Variants in RNF152 observed in about 807,000 individuals in gnomAD.
The protein encoded by RNF152 is ring finger protein 152.
A neutral mutation model predicts 12.7 loss-of-function variants in RNF152; 11 were observed. The observed-to-expected ratio is 0.86, with a 90% CI of 0.54 to 1.43. The LOEUF (loss-of-function observed/expected upper bound fraction) is 1.43. Ranked by LOEUF, RNF152 falls within the 40% of genes most tolerant of loss-of-function variation. RNF152 has a pLI of 0.00. For synonymous variants in RNF152, 113 were observed against 120.3 expected (o/e 0.94, Z 0.40); for missense variants, 255 against 274.8 (o/e 0.93, Z 0.51).
chr18:61,893,925 C>A (rs1317382570), upstream of RNF152, among the ~76,000 whole-genome samples: 28 of 151,982 alleles, frequency 1.8e-4, no homozygotes, highest in Admixed American at 1.8e-3. Context: ...GACCACCTCC[C>A]CCGTGCCCCG....
At chr18:61,872,734 G>T (rs1268815743) in intron 1 of RNF152, among the ~76,000 whole-genome samples, 2 of 151,796 alleles carry the variant, frequency 1.3e-5, no homozygotes, top group Non-Finnish European at 2.9e-5. Flanking sequence ...CATGATTTTC[G>T]CAGCTATTTG....
At chr18:61,844,084 A>AAGAAAGAG (rs1910595612) in intron 1 of RNF152, among the ~76,000 whole-genome samples, 2 of 68,870 alleles carry the variant, frequency 2.9e-5, no homozygotes, top group African/African-American at 9.6e-5. Context: ...AAAGGAAAGA[A>AAGAAAGAG]AGAAAGAAAG....
intron 1 of RNF152, among the ~76,000 whole-genome samples, chr18:61,862,664 A>AT (rs2144719492): frequency 6.6e-6 from 1 of 151,952 alleles, no homozygotes; most frequent in South Asian, 2.1e-4. Context: ...CCCACCCCTC[A>AT]CCCCACGTGT....
At chr18:61,882,482 G>C (rs1375233450) in intron 1 of RNF152, among the ~76,000 whole-genome samples, 1 of 152,228 alleles carries the variant, frequency 6.6e-6, no homozygotes, top group Non-Finnish European at 1.5e-5. Flanking sequence ...TCTGGCAATT[G>C]CCTTCAGGTG....
intron 1 of RNF152, among the ~76,000 whole-genome samples, chr18:61,870,323 C>G (rs971146725): frequency 2.0e-5 from 3 of 152,168 alleles, no homozygotes; most frequent in Non-Finnish European, 4.4e-5. Flanking sequence ...GGATTGATTA[C>G]TGTAAACACA....
chr18:61,844,120 A>AAG (rs372035513), intron 1 of RNF152, among the ~76,000 whole-genome samples: 3 of 138,206 alleles, frequency 2.2e-5, no homozygotes, highest in Non-Finnish European at 4.9e-5. Flanking sequence ...GAAAGAAAGA[A>AAG]AGAAAGAAAG....
At position 61,813,445 on chromosome 18, in the gene RNF152, T is replaced by C. The variant is rs1483394277; in HGVS notation, c.*2407A>G. 2.0e-5 allele frequency: 3 copies of C among 152,190 alleles called. No individual in the cohort carries two copies. Among genetic ancestry groups the C allele is most frequent in the Non-Finnish European group, 4.4e-5 (3 of 68,032 alleles). The allele number at this position is 152,190 out of a possible 1,614,324, so 9.4% of individuals were successfully genotyped here. A position where few individuals can be genotyped will look rare whatever the true frequency, so the allele number is the denominator to read the frequency against. ...AAAATCTGATTTTGGTTGTTGTTGT[T>C]AAATTTAAGGTCAAGAATCTACCAT... is the stretch of plus-strand genomic sequence containing the variant. On this transcript the variant is annotated 3_prime_UTR_variant, in exon 2 of 2. Coordinates refer to ENST00000312828, the MANE Select transcript of RNF152 (RefSeq NM_173557.3).
At chr18:61,870,443 A>G (rs1911940810) in intron 1 of RNF152, among the ~76,000 whole-genome samples, 1 of 152,142 alleles carries the variant, frequency 6.6e-6, no homozygotes, top group Admixed American at 6.6e-5. Flanking sequence ...CCCCAGGAAG[A>G]AAGAGGAGAC....
chr18:61,844,151 AAG>A (rs1217106307), intron 1 of RNF152, among the ~76,000 whole-genome samples: 34 of 124,704 alleles, frequency 2.7e-4, no homozygotes, highest in South Asian at 8.2e-4. Context: ...ATTAAGAGAA[AAG>A]GAAGGAAGGG....
chr18:61,850,649 G>A (rs1442195543), intron 1 of RNF152, among the ~76,000 whole-genome samples: 3 of 152,132 alleles, frequency 2.0e-5, no homozygotes, highest in Non-Finnish European at 4.4e-5. Context: ...CTTTCAGTTT[G>A]GATCATTTGC....
intron 1 of RNF152, among the ~76,000 whole-genome samples, chr18:61,867,332 G>T (rs996368830): frequency 1.3e-5 from 2 of 152,028 alleles, no homozygotes; most frequent in African/African-American, 2.4e-5. Context: ...TGCTCCTGTA[G>T]TCTCAGCTAC....
chr18:61,841,947 C>T (rs4381693), intron 1 of RNF152, among the ~76,000 whole-genome samples: 72,381 of 152,016 alleles, frequency 0.48, 17,903 homozygotes, highest in Non-Finnish European at 0.56. Flanking sequence ...ATTGACAATA[C>T]GTAACAAATG....
intron 1 of RNF152, among the ~76,000 whole-genome samples, chr18:61,889,723 C>G (rs150912190): frequency 6.6e-5 from 10 of 152,274 alleles, no homozygotes; most frequent in African/African-American, 2.4e-4. Context: ...ACATTCCTGC[C>G]CCCTTCAGAT....
In RNF152 at chr18:61,811,870, AACAT is replaced by A. The variant is rs1908820294; in HGVS notation, c.*3978_*3981del. 6.6e-6 allele frequency: 1 copy of A among 152,224 alleles called. No homozygotes were observed. The highest frequency in any genetic ancestry group is 1.5e-5 in the Non-Finnish European group (1 of 68,036). 9.4% of individuals were successfully genotyped at this position (152,224 alleles called of 1,614,324 possible). A position where few individuals can be genotyped will look rare whatever the true frequency, so the allele number is the denominator to read the frequency against. ...AACTACTATTTTTGGACAATAGGTT[AACAT>A]GCAGCTAATGATCCCAGAAAAGGGG... On this transcript the variant is annotated 3_prime_UTR_variant, in exon 2 of 2. Coordinates refer to ENST00000312828, the MANE Select transcript of RNF152 (RefSeq NM_173557.3).
chr18:61,831,274 A>C (rs1909929976), intron 1 of RNF152, among the ~76,000 whole-genome samples: 3 of 151,784 alleles, frequency 2.0e-5, no homozygotes, highest in African/African-American at 7.3e-5. Context: ...AATCCCTCCC[A>C]CTCTAAACCC....
intron 1 of RNF152, among the ~76,000 whole-genome samples, chr18:61,832,446 A>T (rs955552109): frequency 1.3e-5 from 2 of 152,202 alleles, no homozygotes; most frequent in East Asian, 1.9e-4. Flanking sequence ...TTTGGTAAAA[A>T]CTGCTATCCT....
At chr18:61,826,365 A>T (rs144607484) in intron 1 of RNF152, among the ~76,000 whole-genome samples, 1 of 152,238 alleles carries the variant, frequency 6.6e-6, no homozygotes, top group African/African-American at 2.4e-5. Flanking sequence ...CAGAAAGACC[A>T]CTCACACATG....
chr18:61,888,784 C>T (rs372303338), intron 1 of RNF152: 3 of 152,316 alleles, frequency 2.0e-5, no homozygotes, highest in Non-Finnish European at 4.4e-5. Context: ...GTGTAACTCT[C>T]GAAGCCATGG....
At chr18:61,839,317 A>G (rs1216790873) in intron 1 of RNF152, among the ~76,000 whole-genome samples, 1 of 152,188 alleles carries the variant, frequency 6.6e-6, no homozygotes, top group Non-Finnish European at 1.5e-5. Flanking sequence ...GTCTTCCTCA[A>G]TCTTCAAAAG....
Sources: gnomAD v4.1 joint callset for allele counts (sites outside exome capture counted in the v4.1 genomes callset) on GRCh38, gnomAD v4.1.1 for gene constraint, MANE v1.5 for transcripts, NCBI Gene and HGNC (gene_info 2026-07-23, HGNC 2026-07-21) for gene names.